GRHPR: variants seen among roughly 807,000 people sequenced by gnomAD.
The protein encoded by GRHPR is glyoxylate reductase/hydroxypyruvate reductase.
Under a neutral mutation model 36.8 loss-of-function variants are expected in GRHPR, and 35 were observed. The observed-to-expected ratio is 0.95, with a 90% CI of 0.73 to 1.26. The LOEUF (loss-of-function observed/expected upper bound fraction) is 1.26. GRHPR is among the 50% of genes most tolerant of loss of function. The pLI is 0.00. For missense variants in GRHPR, 380 were observed against 435.0 expected, an observed-to-expected ratio of 0.87 and a Z score of 1.12; for synonymous variants, 179 against 181.0, an observed-to-expected ratio of 0.99 and a Z score of 0.09.
At chr9:37,429,282 G>A (rs762898688) in intron 5 of GRHPR, 1 of 278,308 alleles carries the variant, frequency 3.6e-6, no homozygotes, top group Non-Finnish European at 7.1e-6. Flanking sequence ...CATGAAAATT[G>A]TAAGTTTGGG....
At chr9:37,437,686 AT>A (rs57294640), downstream of GRHPR, among the ~76,000 whole-genome samples, 120,350 of 146,862 alleles carry the variant, frequency 0.82, 49,462 homozygotes, top group Non-Finnish European at 0.87. Context: ...CCCCAGGTGG[AT>A]TTTTTTTTTT....
intron 5 of GRHPR, chr9:37,428,874 A>G (rs941435896): frequency 8.1e-6 from 4 of 495,758 alleles, no homozygotes; most frequent in Admixed American, 5.6e-5. Context: ...GGCCGTTAGG[A>G]GTGGTTACCG....
At chr9:37,424,757 G>A in intron 1 of GRHPR, 88 bp from the exon 2 acceptor site, 1 of 1,506,870 alleles carries the variant, frequency 6.6e-7, no homozygotes, top group Non-Finnish European at 9.0e-7. Flanking sequence ...CTGAGGCCAG[G>A]GCCATCAGAG....
intron 5 of GRHPR, 166 bp downstream of exon 5, chr9:37,428,738 T>C (rs1349596908): frequency 1.4e-6 from 1 of 704,614 alleles, no homozygotes; most frequent in South Asian, 1.5e-5. Context: ...CACAGGCAAA[T>C]ACATAAATAA....
At chr9:37,439,168 G>C (rs1263078006), downstream of GRHPR, 1 of 152,208 alleles carries the variant, frequency 6.6e-6, no homozygotes, top group Non-Finnish European at 1.5e-5. Context: ...TGTTCCCCTG[G>C]ACGCACACTT....
chr9:37,438,918 C>T (rs1192452006), downstream of GRHPR: 1 of 152,182 alleles, frequency 6.6e-6, no homozygotes, highest in Admixed American at 6.5e-5. Context: ...GCCCCTGGAA[C>T]ATGAAATTAT....
intron 8 of GRHPR, among the ~76,000 whole-genome samples, chr9:37,435,351 C>A (rs60343164): frequency 0.012 from 1,803 of 152,328 alleles, 44 homozygotes; most frequent in African/African-American, 0.04. Flanking sequence ...TCATTCCTGA[C>A]ATATTTTGGT....
At chr9:37,427,942 T>C (rs891601041) in intron 4 of GRHPR, 3 of 168,142 alleles carry the variant, frequency 1.8e-5, no homozygotes, top group Non-Finnish European at 2.6e-5. Flanking sequence ...TCACAGTGCG[T>C]GGCCAGCAGC....
rs1823395348 is a variant in GRHPR, at chr9:37,432,055, G to GTAC, written c.784_785insCTA (p.Gly261_Lys262insThr). 6.2e-7 allele frequency: 1 copy of GTAC among 1,614,018 alleles called. No individual in the cohort carries two copies. The highest frequency in any genetic ancestry group is 1.3e-5 in the African/African-American group (1 of 74,942). ...GACCTGTACCAGGCCTTGGCCAGTG[G>GTAC]TAAGATTGCAGCTGCTGGACTGGAT... On this transcript the variant is annotated inframe_insertion, in exon 8 of 9. Transcript: ENST00000318158.
At chr9:37,437,700 T>A (rs7031029), downstream of GRHPR, among the ~76,000 whole-genome samples, 7,175 of 133,562 alleles carry the variant, frequency 0.054, 209 homozygotes, top group South Asian at 0.088. Context: ...TTTTTTTTTT[T>A]AATCACCACC....
At chr9:37,434,385 C>T (rs1344586104) in intron 8 of GRHPR, 28 of 492,130 alleles carry the variant, frequency 5.7e-5, no homozygotes, top group Non-Finnish European at 8.4e-5. Context: ...CTGGACTTTT[C>T]CTGCTTCCAC....
intron 8 of GRHPR, among the ~76,000 whole-genome samples, chr9:37,435,477 T>C (rs1287968595): frequency 6.6e-6 from 1 of 151,542 alleles, no homozygotes; most frequent in Non-Finnish European, 1.5e-5. Flanking sequence ...TTCATTGTTA[T>C]TCTGAAAGCT....
intron 2 of GRHPR, 96 bp downstream of exon 2, chr9:37,425,071 G>C: frequency 7.8e-7 from 1 of 1,279,758 alleles, no homozygotes. Flanking sequence ...AGTGCTGTCT[G>C]GGTTCTGAGG....
chr9:37,435,720 CAAT>C (rs751129032), intron 8 of GRHPR, among the ~76,000 whole-genome samples: 2 of 152,032 alleles, frequency 1.3e-5, no homozygotes, highest in Non-Finnish European at 2.9e-5. Context: ...GACCCTATTA[CAAT>C]AATGATAAAA....
intron 4 of GRHPR, chr9:37,427,712 C>T (rs1398751924): frequency 1.3e-5 from 2 of 152,396 alleles, no homozygotes; most frequent in Admixed American, 1.3e-4. Flanking sequence ...GTGTTACACG[C>T]CTGTAGTCCC....
At chr9:37,427,243 C>A (rs139193641) in intron 4 of GRHPR, among the ~76,000 whole-genome samples, 3 of 152,168 alleles carry the variant, frequency 2.0e-5, no homozygotes, top group Non-Finnish European at 2.9e-5. Flanking sequence ...GGTGGGCGTC[C>A]GCTTGAGTCC....
intron 4 of GRHPR, chr9:37,428,071 A>C (rs537534780): frequency 3.1e-6 from 1 of 320,310 alleles, no homozygotes; most frequent in Admixed American, 4.4e-5. Flanking sequence ...TCTCTTGCCC[A>C]GGGCAGCAGG....
chr9:37,437,051 A>G (rs1323340684), downstream of GRHPR: 1 of 416,312 alleles, frequency 2.4e-6, no homozygotes, highest in Non-Finnish European at 4.6e-6. Context: ...ATGGTGACGC[A>G]CCCCTATAGT....
chr9:37,430,340 G>A (rs1588758460), intron 6 of GRHPR, 171 bp from the exon 7 acceptor site: 1 of 700,240 alleles, frequency 1.4e-6, no homozygotes, highest in East Asian at 2.7e-5. Flanking sequence ...AGATCCCACT[G>A]TGTGTGATTT....
Sources: gnomAD v4.1 joint callset for allele counts (sites outside exome capture counted in the v4.1 genomes callset) on GRCh38, gnomAD v4.1.1 for gene constraint, MANE v1.5 for transcripts, NCBI Gene and HGNC (gene_info 2026-07-23, HGNC 2026-07-21) for gene names.